Variants in LRFN5 observed in about 807,000 individuals in gnomAD.
LRFN5 encodes the protein leucine-rich repeat and fibronectin type-III domain-containing protein 5.
In LRFN5, 24 loss-of-function variants were observed where a neutral mutation model predicts 45.6. The observed-to-expected ratio is 0.53, with a 90% CI of 0.38 to 0.74. The LOEUF (loss-of-function observed/expected upper bound fraction) is 0.74, where lower values mean the gene tolerates loss of function less well. Among genes scored for constraint, LRFN5 ranks in the 30% least tolerant of loss-of-function variants. LRFN5 has a pLI of 0.00. For synonymous variants in LRFN5, 340 were observed against 313.8 expected, an observed-to-expected ratio of 1.08 and a Z score of -0.88; for missense variants, 776 against 861.5, an observed-to-expected ratio of 0.90 and a Z score of 1.24.
chr14:41,736,155 G>C (rs1884422571), intron 1 of LRFN5, among the ~76,000 whole-genome samples: 1 of 152,068 alleles, frequency 6.6e-6, no homozygotes, highest in African/African-American at 2.4e-5. Context: ...GGTATTTCTG[G>C]TTCTAGATCC....
intron 2 of LRFN5, among the ~76,000 whole-genome samples, chr14:41,818,697 A>G (rs375359499): frequency 1.7e-4 from 26 of 152,162 alleles, no homozygotes; most frequent in African/African-American, 5.3e-4. Flanking sequence ...TATCTCTCCA[A>G]ATATTTTTGT....
intron 2 of LRFN5, among the ~76,000 whole-genome samples, chr14:41,785,144 G>A (rs1025315888): frequency 6.6e-6 from 1 of 151,922 alleles, no homozygotes; most frequent in African/African-American, 2.4e-5. Flanking sequence ...TATATTGTTT[G>A]CATTTTTGAG....
At chr14:41,735,038 A>G (rs1356904448) in intron 1 of LRFN5, among the ~76,000 whole-genome samples, 1 of 152,144 alleles carries the variant, frequency 6.6e-6, no homozygotes, top group Non-Finnish European at 1.5e-5. Context: ...TCTTTAAACC[A>G]TCATCGTAAA....
chr14:41,877,627 T>C (rs563905447), intron 2 of LRFN5, among the ~76,000 whole-genome samples: 1 of 152,072 alleles, frequency 6.6e-6, no homozygotes, highest in Non-Finnish European at 1.5e-5. Flanking sequence ...AATACATGTG[T>C]GTGTGTATAT....
chr14:41,639,742 G>A (rs1185185599), intron 1 of LRFN5, among the ~76,000 whole-genome samples: 1 of 151,850 alleles, frequency 6.6e-6, no homozygotes. Context: ...ATGGTATCCA[G>A]CACATTCTTG....
chr14:41,852,177 A>T (rs1204202674), intron 2 of LRFN5, among the ~76,000 whole-genome samples: 1 of 151,882 alleles, frequency 6.6e-6, no homozygotes, highest in African/African-American at 2.4e-5. Flanking sequence ...AAAGTTGTTA[A>T]TGCAATCCTG....
At chr14:41,613,855 T>C (rs1035630150) in intron 1 of LRFN5, among the ~76,000 whole-genome samples, 3 of 152,194 alleles carry the variant, frequency 2.0e-5, no homozygotes, top group East Asian at 3.9e-4. Context: ...TCAGCTCTTT[T>C]GAGGAAGTGC....
chr14:41,682,048 C>T (rs1288568731), intron 1 of LRFN5, among the ~76,000 whole-genome samples: 2 of 150,552 alleles, frequency 1.3e-5, no homozygotes, highest in Admixed American at 6.6e-5. Context: ...GAACTCCTGA[C>T]CTCAAGTGAT....
intron 1 of LRFN5, among the ~76,000 whole-genome samples, chr14:41,751,687 G>A (rs1162071012): frequency 6.6e-6 from 1 of 151,978 alleles, no homozygotes; most frequent in African/African-American, 2.4e-5. Flanking sequence ...CTTACTAAAG[G>A]CAGTCTCACA....
At chr14:41,763,538 G>T (rs888146852) in intron 1 of LRFN5, among the ~76,000 whole-genome samples, 2 of 152,118 alleles carry the variant, frequency 1.3e-5, no homozygotes, top group South Asian at 2.1e-4. Flanking sequence ...TTGAATTGTA[G>T]CTTCAGTAAT....
chr14:41,681,824 A>ATTT (rs201760109), intron 1 of LRFN5, among the ~76,000 whole-genome samples: 2 of 70,130 alleles, frequency 2.9e-5, no homozygotes, highest in Admixed American at 1.6e-4. Context: ...TTATTTATTT[A>ATTT]TTTTTTTTTT....
chr14:41,646,950 G>A (rs1879845373), intron 1 of LRFN5, among the ~76,000 whole-genome samples: 1 of 152,198 alleles, frequency 6.6e-6, no homozygotes, highest in East Asian at 1.9e-4. Flanking sequence ...AGGCAAGGAT[G>A]GAGAGTATTC....
intron 1 of LRFN5, among the ~76,000 whole-genome samples, chr14:41,621,116 A>G (rs777210687): frequency 1.3e-5 from 2 of 152,086 alleles, no homozygotes; most frequent in African/African-American, 4.8e-5. Flanking sequence ...TTTTGTTTAC[A>G]TTTGAGGATA....
chr14:41,747,485 A>G (rs1884969101), intron 1 of LRFN5, among the ~76,000 whole-genome samples: 1 of 152,034 alleles, frequency 6.6e-6, no homozygotes, highest in African/African-American at 2.4e-5. Flanking sequence ...CAAAATAATT[A>G]AGTTGGACCT....
chr14:41,827,745 G>T (rs1193322359), intron 2 of LRFN5, among the ~76,000 whole-genome samples: 1 of 151,876 alleles, frequency 6.6e-6, no homozygotes, highest in African/African-American at 2.4e-5. Context: ...TTAAAATTTA[G>T]AACCATTTGT....
At chr14:41,776,631 A>AT (rs1379320155) in intron 2 of LRFN5, among the ~76,000 whole-genome samples, 3 of 152,066 alleles carry the variant, frequency 2.0e-5, no homozygotes, top group African/African-American at 4.8e-5. Context: ...ACAAAGAGGA[A>AT]TTTTCATAAA....
intron 2 of LRFN5, among the ~76,000 whole-genome samples, chr14:41,867,033 C>T (rs1889864356): frequency 6.6e-6 from 1 of 152,118 alleles, no homozygotes. Flanking sequence ...GAAGAACTGT[C>T]TTCCAAAACT....
At chr14:41,801,382 T>C (rs1887326593) in intron 2 of LRFN5, among the ~76,000 whole-genome samples, 2 of 152,210 alleles carry the variant, frequency 1.3e-5, no homozygotes, top group Admixed American at 1.3e-4. Context: ...TTATTCTTAA[T>C]CTTTCATTTT....
At chr14:41,677,674 T>C (rs1166828329) in intron 1 of LRFN5, among the ~76,000 whole-genome samples, 1 of 152,008 alleles carries the variant, frequency 6.6e-6, no homozygotes, top group African/African-American at 2.4e-5. Context: ...CAGCAGACTT[T>C]GAGATAGATA....
Sources: gnomAD v4.1 joint callset for allele counts (sites outside exome capture counted in the v4.1 genomes callset) on GRCh38, gnomAD v4.1.1 for gene constraint, MANE v1.5 for transcripts, NCBI Gene and HGNC (gene_info 2026-07-23, HGNC 2026-07-21) for gene names.